The following BAZ1B variants were observed in gnomAD, a reference collection of about 807,000 sequenced individuals.
The protein encoded by BAZ1B is tyrosine-protein kinase BAZ1B.
Under a neutral mutation model 153.8 loss-of-function variants are expected in BAZ1B, and 22 were observed. The ratio of observed to expected loss-of-function variants is 0.14; its 90% CI spans 0.10 to 0.20. The LOEUF (loss-of-function observed/expected upper bound fraction) is 0.20. Ranked by LOEUF, BAZ1B falls within the 10% of genes least tolerant of loss-of-function variation. The pLI is 1.00. For synonymous variants in BAZ1B, 676 were observed against 633.4 expected, an observed-to-expected ratio of 1.07 and a Z score of -1.01; for missense variants, 1,325 against 1,799.3, an observed-to-expected ratio of 0.74 and a Z score of 4.77.
intron 3 of BAZ1B, 42 bp downstream of exon 3, chr7:73,508,285 A>G: frequency 1.2e-6 from 2 of 1,601,130 alleles, no homozygotes; most frequent in Non-Finnish European, 8.5e-7. Context: ...TGACAGCTCT[A>G]ATTCTGATGG....
chr7:73,514,820 G>A lies in BAZ1B; in HGVS notation c.108-3968C>T, dbSNP rs1478571989. 5.3e-5 allele frequency among the ~76,000 whole-genome samples: 8 copies of A among 152,008 alleles called. No homozygotes were observed. The East Asian group carries it at 1.2e-3, about 22-fold the overall frequency. On this transcript the variant is annotated intron_variant, in intron 1 of 19. Transcript: ENST00000339594. ...GATTAGCCCGGGCATGGTGGGTCAC[G>A]CCTGTAATCCCAGCACTTTGGGAGG...
At chr7:73,460,612 T>C (rs1788363570) in intron 12 of BAZ1B, among the ~76,000 whole-genome samples, 1 of 151,962 alleles carries the variant, frequency 6.6e-6, no homozygotes, top group Non-Finnish European at 1.5e-5. Flanking sequence ...AGCCTCCCCA[T>C]TAGCTGGGAC....
chr7:73,463,771 G>T (rs560893093), intron 11 of BAZ1B, among the ~76,000 whole-genome samples: 1 of 151,780 alleles, frequency 6.6e-6, no homozygotes, highest in African/African-American at 2.4e-5. Flanking sequence ...GCAGTGGTGC[G>T]ATCTTGGCTC....
At chr7:73,443,863 G>C (rs1787722089) in intron 17 of BAZ1B, 121 bp downstream of exon 17, 21 of 1,478,528 alleles carry the variant, frequency 1.4e-5, no homozygotes, top group Non-Finnish European at 1.9e-5. Context: ...AGCCTCCCAA[G>C]TTTGGTAAGA....
At position 73,469,648 on chromosome 7, in the gene BAZ1B, T is replaced by A; in HGVS notation, c.2735A>T (p.Tyr912Phe). 3 of 1,613,998 alleles carry A rather than the reference T, an allele frequency of 1.9e-6. No individual in the cohort carries two copies. The highest frequency in any genetic ancestry group is 2.5e-6 in the Non-Finnish European group (3 of 1,179,900). Residue 912 changes from tyrosine to phenylalanine, a missense_variant and splice_region_variant, in exon 9 of 20, where the codon TAC becomes TTC. Physicochemically the swap from Tyr to Phe is conservative, Grantham distance 22 (BLOSUM62 3). Transcript: ENST00000339594. ...TGGAACTTCATCTGAGAAGAGCCAG[T>A]ATCTACAAATCACAACCAGTATTAA... ...PIGTDRNHNR[Y>F]WLFSDEVPGL...
At chr7:73,447,406 AAC>A (rs1787879238) in intron 15 of BAZ1B, 27 bp from the exon 16 acceptor site, 1 of 1,594,954 alleles carries the variant, frequency 6.3e-7, no homozygotes, top group Non-Finnish European at 8.5e-7. Context: ...TAATGTAGGG[AAC>A]ACAGTTTTAG....
chr7:73,510,304 C>T (rs181245487), intron 2 of BAZ1B, among the ~76,000 whole-genome samples: 2 of 152,180 alleles, frequency 1.3e-5, no homozygotes, highest in African/African-American at 4.8e-5. Context: ...TGGCGAGCAC[C>T]TGTAGTCCCA....
At chr7:73,494,288 CAGA>C (rs1354043002) in intron 4 of BAZ1B, among the ~76,000 whole-genome samples, 3 of 152,014 alleles carry the variant, frequency 2.0e-5, no homozygotes, top group Admixed American at 1.3e-4. Context: ...GAGGCTGAGG[CAGA>C]AGAATTGCTT....
At chr7:73,521,799 C>T (rs1436108438) in intron 1 of BAZ1B, 28 bp downstream of exon 1, 6 of 1,479,380 alleles carry the variant, frequency 4.1e-6, no homozygotes, top group African/African-American at 1.5e-5. Flanking sequence ...CCCGGCCCAG[C>T]CCGGCCCGCG....
chr7:73,440,909 AAAG>A lies in BAZ1B; in HGVS notation c.*797_*799del, dbSNP rs1787588131. ...TTTATCAAAATCCATCATAAAAGGGAAAGAAGACTACAAAGTTTTGCCTAAATA... is the reference window on the plus strand; with the variant it reads ...TTTATCAAAATCCATCATAAAAGGGAAAGACTACAAAGTTTTGCCTAAATA... On this transcript the variant is annotated 3_prime_UTR_variant, in exon 20 of 20. Coordinates refer to ENST00000339594, the MANE Select transcript of BAZ1B (RefSeq NM_032408.4). 3 of 152,670 alleles carry A rather than the reference AAAG, an allele frequency of 2.0e-5. No homozygotes were observed. The South Asian group carries it at 6.2e-4, about 32-fold the overall frequency. The allele number at this position is 152,670 out of a possible 1,614,324, so 9.5% of individuals were successfully genotyped here.
chr7:73,450,827 C>G lies in BAZ1B; in HGVS notation c.3580+20G>C. ...CTACTCCCTAATATACCCACATAAG[C>G]AAATTTGATTTAAATATACCTTTCT... is the stretch of plus-strand genomic sequence containing the variant. On this transcript the variant is annotated intron_variant, in intron 14 of 19. Transcript: ENST00000339594. The surrounding 1 kb of genome is among the most constrained non-coding windows in gnomAD (Gnocchi z 4.1). The G allele has an allele frequency of 1.2e-6, 2 of 1,612,532 alleles. No individual in the cohort carries two copies. Among genetic ancestry groups the G allele is most frequent in the Admixed American group, 1.7e-5 (1 of 59,944 alleles).
chr7:73,511,875 A>T (rs1790593314), intron 1 of BAZ1B, among the ~76,000 whole-genome samples: 1 of 151,158 alleles, frequency 6.6e-6, no homozygotes, highest in South Asian at 2.1e-4. Flanking sequence ...CAAAAAAAAA[A>T]AAAAAATTAG....
chr7:73,473,244 CAT>C (rs1255432810), intron 7 of BAZ1B, among the ~76,000 whole-genome samples: 42 of 152,320 alleles, frequency 2.8e-4, no homozygotes, highest in African/African-American at 8.9e-4. Context: ...CTGGCCTGTT[CAT>C]ATGTCTTTAA....
chr7:73,504,523 G>C lies in BAZ1B; in HGVS notation c.369+3804C>G, dbSNP rs1790256928. Among the ~76,000 whole-genome samples the C allele has an allele frequency of 2.0e-5, 3 of 152,110 alleles. No homozygotes were observed. The South Asian group carries it at 6.2e-4, about 32-fold the overall frequency. On this transcript the variant is annotated intron_variant, in intron 3 of 19. Transcript: ENST00000339594. ...CTAAAAATACAAAAAAATTAGCGAGGCATGGTGGCAGGTGCCTGTAGTCCC... is the reference window on the plus strand; with the variant it reads ...CTAAAAATACAAAAAAATTAGCGAGCCATGGTGGCAGGTGCCTGTAGTCCC...
At chr7:73,519,024 G>C (rs1554579744) in intron 1 of BAZ1B, among the ~76,000 whole-genome samples, 1 of 151,936 alleles carries the variant, frequency 6.6e-6, no homozygotes, top group Admixed American at 6.6e-5. Flanking sequence ...CCTGCCTGTG[G>C]GAATACCTTA....
rs782807615 is a variant in BAZ1B, at chr7:73,463,081, G to C, written c.3090C>G (p.His1030Gln). 1 of 1,613,302 alleles carries C rather than the reference G, an allele frequency of 6.2e-7. No individual in the cohort carries two copies. The highest frequency in any genetic ancestry group is 8.5e-7 in the Non-Finnish European group (1 of 1,179,744). Residue 1030 changes from histidine to glutamine, a missense_variant, in exon 12 of 20, where the codon CAC becomes CAG. Around this residue, in one of 9 missense-constraint regions of BAZ1B, gnomAD observed 431 missense variants for 563.5 expected, o/e 0.76. Transcript: ENST00000339594. ...TTGGCTTCCGTGCTAGATGAATAGA[G>C]TGAATAATGTCCTGGTACCTAGAAG... ...RLEKRYQDIIHSIHLARKPNL... is the reference protein window; with the variant it reads ...RLEKRYQDIIQSIHLARKPNL...
intron 1 of BAZ1B, among the ~76,000 whole-genome samples, chr7:73,515,872 T>C (rs187571316): frequency 3.9e-5 from 6 of 152,172 alleles, no homozygotes; most frequent in African/African-American, 1.4e-4. Flanking sequence ...TGGAAGGGTG[T>C]GGTGGCTCAC....
chr7:73,457,927 G>T (rs570796660), intron 13 of BAZ1B, among the ~76,000 whole-genome samples: 1 of 152,240 alleles, frequency 6.6e-6, no homozygotes, highest in South Asian at 2.1e-4. Context: ...CCCCTGCTCC[G>T]CCACCTTCCT....
At chr7:73,485,914 A>T (rs1217885946) in intron 6 of BAZ1B, among the ~76,000 whole-genome samples, 5 of 152,214 alleles carry the variant, frequency 3.3e-5, no homozygotes, top group African/African-American at 4.8e-5. Context: ...CTAACAAAAT[A>T]GGGCTGCAAT....
Sources: gnomAD v4.1 joint callset for allele counts (sites outside exome capture counted in the v4.1 genomes callset) on GRCh38, gnomAD v4.1.1 for gene constraint, gnomAD v4.1.1 regional missense constraint, Gnocchi (gnomAD v3.1) non-coding constraint, MANE v1.5 for transcripts, NCBI Gene and HGNC (gene_info 2026-07-23, HGNC 2026-07-21) for gene names.